The following RBFOX1 variants were observed in gnomAD, a reference collection of about 807,000 sequenced individuals.
RBFOX1 encodes the protein RNA binding fox-1 homolog 1.
RBFOX1 carries 8 observed loss-of-function variants against 57.7 expected under a neutral mutation model. The ratio of observed to expected loss-of-function variants is 0.14; its 90% CI spans 0.08 to 0.25. The LOEUF (loss-of-function observed/expected upper bound fraction) is 0.25, where lower values mean the gene tolerates loss of function less well. Among genes scored for constraint, RBFOX1 ranks in the 10% least tolerant of loss-of-function variants. The probability of loss-of-function intolerance (pLI) is 1.00; values close to 1 mark genes in which losing one functional copy is unlikely to be tolerated. For synonymous variants in RBFOX1, 326 were observed against 222.4 expected (o/e 1.47, Z -4.15); for missense variants, 611 against 548.5 (o/e 1.11, Z -1.14).
chr16:7,148,617 C>G (rs888296429), intron 4 of RBFOX1, among the ~76,000 whole-genome samples: 1 of 152,210 alleles, frequency 6.6e-6, no homozygotes, highest in Non-Finnish European at 1.5e-5. Context: ...TTCACCCTTT[C>G]CCTTGTACTT....
chr16:5,523,984 A>G (rs530100358), intron 2 of RBFOX1, among the ~76,000 whole-genome samples: 4 of 152,274 alleles, frequency 2.6e-5, no homozygotes, highest in Admixed American at 1.3e-4. Context: ...GGACAAGACA[A>G]ATGGTCTTTA....
intron 1 of RBFOX1, among the ~76,000 whole-genome samples, chr16:5,455,993 A>G (rs1019005420): frequency 1.3e-5 from 2 of 152,178 alleles, no homozygotes; most frequent in African/African-American, 4.8e-5. Flanking sequence ...GTTGAGTTTC[A>G]TAATGTTAAG....
chr16:6,260,359 A>C (rs1203088960), intron 1 of RBFOX1, among the ~76,000 whole-genome samples: 1 of 152,156 alleles, frequency 6.6e-6, no homozygotes, highest in African/African-American at 2.4e-5. Context: ...CAGTGCCTCC[A>C]TCTGATTCCA....
intron 2 of RBFOX1, among the ~76,000 whole-genome samples, chr16:6,376,234 G>C (rs536498118): frequency 2.6e-5 from 4 of 152,184 alleles, no homozygotes; most frequent in African/African-American, 7.2e-5. Flanking sequence ...TTATGTTCCT[G>C]CTTATGTCCT....
Position 7,183,764 on chromosome 16 carries a change from G to A in RBFOX1, c.27+131666G>A, listed in dbSNP as rs2152539874. On this transcript the variant is annotated intron_variant, in intron 4 of 15. Transcript: ENST00000550418. ...TCAGAACAAAATTGATAAAGCTTAG[G>A]AGGACATTTCATCTCCTTTCAGTGT... Among the ~76,000 whole-genome samples the A allele has an allele frequency of 2.0e-5, 3 of 152,302 alleles. 1 individual carries two copies. The Middle Eastern group carries it at 0.01, about 518-fold the overall frequency.
chr16:5,767,136 G>A (rs2151663627), intron 3 of RBFOX1, among the ~76,000 whole-genome samples: 1 of 152,308 alleles, frequency 6.6e-6, no homozygotes, highest in South Asian at 2.1e-4. Context: ...CCCCTACCTA[G>A]GGCCGGGCAT....
At chr16:6,525,745 A>T (rs2096569418) in intron 2 of RBFOX1, among the ~76,000 whole-genome samples, 1 of 151,962 alleles carries the variant, frequency 6.6e-6, no homozygotes, top group South Asian at 2.1e-4. Flanking sequence ...AGGGCTGAAA[A>T]ATGGTCTTAC....
intron 3 of RBFOX1, among the ~76,000 whole-genome samples, chr16:6,993,826 A>C (rs983440922): frequency 6.6e-6 from 1 of 152,300 alleles, no homozygotes; most frequent in Non-Finnish European, 1.5e-5. Flanking sequence ...GTATGCTTGC[A>C]TGAACACTCC....
chr16:7,445,944 C>T (rs570888023), intron 4 of RBFOX1, among the ~76,000 whole-genome samples: 1 of 152,136 alleles, frequency 6.6e-6, no homozygotes, highest in East Asian at 1.9e-4. Flanking sequence ...CCCTCCTATG[C>T]CTTTTGTTTT....
chr16:7,585,972 T>C (rs2094100843), intron 6 of RBFOX1, among the ~76,000 whole-genome samples: 1 of 151,972 alleles, frequency 6.6e-6, no homozygotes, highest in Non-Finnish European at 1.5e-5. Context: ...CGTAATGCTC[T>C]CCACTCAAGG....
At chr16:7,394,722 A>G (rs1013934085) in intron 4 of RBFOX1, among the ~76,000 whole-genome samples, 2 of 152,162 alleles carry the variant, frequency 1.3e-5, no homozygotes, top group Non-Finnish European at 2.9e-5. Flanking sequence ...TTGAGGCATG[A>G]ATAACAGCAG....
intron 3 of RBFOX1, among the ~76,000 whole-genome samples, chr16:6,763,911 G>A (rs7191315): frequency 0.29 from 44,557 of 152,140 alleles, 8,357 homozygotes; most frequent in Non-Finnish European, 0.42. Context: ...TGTGCTTAGC[G>A]TTTGTATATG....
intron 2 of RBFOX1, among the ~76,000 whole-genome samples, chr16:6,431,392 G>C (rs2094079305): frequency 6.6e-6 from 1 of 152,036 alleles, no homozygotes; most frequent in Non-Finnish European, 1.5e-5. Context: ...CTGGAAGAGG[G>C]AGGGAAAAGG....
At chr16:5,246,580 C>T (rs530418574) in intron 1 of RBFOX1, among the ~76,000 whole-genome samples, 3 of 152,282 alleles carry the variant, frequency 2.0e-5, no homozygotes, top group Middle Eastern at 3.4e-3. Flanking sequence ...CTAAAAATGA[C>T]ATTCTGTGTC....
intron 3 of RBFOX1, among the ~76,000 whole-genome samples, chr16:6,957,323 G>A (rs1462079718): frequency 6.6e-6 from 1 of 151,830 alleles, no homozygotes; most frequent in Non-Finnish European, 1.5e-5. Context: ...AGTACAGACG[G>A]GGTTTCACCA....
intron 11 of RBFOX1, among the ~76,000 whole-genome samples, chr16:7,642,439 A>G (rs1336087565): frequency 6.6e-6 from 1 of 152,096 alleles, no homozygotes; most frequent in Non-Finnish European, 1.5e-5. Flanking sequence ...TCGCGTACCC[A>G]TCTTGTGAGC....
chr16:5,594,035 A>T (rs1409702699), intron 2 of RBFOX1, among the ~76,000 whole-genome samples: 1 of 151,518 alleles, frequency 6.6e-6, no homozygotes, highest in Non-Finnish European at 1.5e-5. Flanking sequence ...TTGGTCAGCC[A>T]TGGCCTTGGC....
At chr16:5,750,458 C>A (rs973580646) in intron 3 of RBFOX1, among the ~76,000 whole-genome samples, 1 of 152,210 alleles carries the variant, frequency 6.6e-6, no homozygotes, top group Admixed American at 6.5e-5. Context: ...ATGCCGTGCC[C>A]CCAGAGGTGG....
At chr16:6,835,030 C>T (rs1212944817) in intron 3 of RBFOX1, among the ~76,000 whole-genome samples, 4 of 151,752 alleles carry the variant, frequency 2.6e-5, no homozygotes, top group South Asian at 2.1e-4. Context: ...GTAGCTGGGA[C>T]TGTAGGCGCC....
Sources: allele counts gnomAD v4.1 joint callset (sites outside exome capture counted in the v4.1 genomes callset), GRCh38; gene constraint gnomAD v4.1.1; transcripts MANE v1.5; gene names NCBI Gene and HGNC (gene_info 2026-07-23, HGNC 2026-07-21).